Variants in ASXL1 observed in about 807,000 individuals in gnomAD.
The protein encoded by ASXL1 is polycomb group protein ASXL1.
In ASXL1, 65 loss-of-function variants were observed where a neutral mutation model predicts 89.1. The ratio of observed to expected loss-of-function variants is 0.73; its 90% CI spans 0.60 to 0.90. ASXL1 has a LOEUF of 0.90. ASXL1 is among the 40% of genes least tolerant of loss of function. The probability of loss-of-function intolerance (pLI) is 0.00; values close to 1 mark genes in which losing one functional copy is unlikely to be tolerated. For synonymous variants in ASXL1, 739 were observed against 746.9 expected (o/e 0.99, Z 0.17); for missense variants, 1,786 against 1,942.9 (o/e 0.92, Z 1.52).
intron 4 of ASXL1, among the ~76,000 whole-genome samples, chr20:32,422,877 G>A (rs2011180342): frequency 6.6e-6 from 1 of 151,982 alleles, no homozygotes; most frequent in African/African-American, 2.4e-5. Context: ...GAGCCACCGT[G>A]CCCGGCCTAT....
At chr20:32,416,147 T>C (rs574629383) in intron 4 of ASXL1, among the ~76,000 whole-genome samples, 3 of 152,326 alleles carry the variant, frequency 2.0e-5, no homozygotes, top group African/African-American at 7.2e-5. Flanking sequence ...ATGCAATACA[T>C]AGACATTTTT....
At chr20:32,387,769 C>A (rs532280520) in intron 4 of ASXL1, among the ~76,000 whole-genome samples, 67 of 152,278 alleles carry the variant, frequency 4.4e-4, no homozygotes, top group Middle Eastern at 3.4e-3. Context: ...CAAGTTATAT[C>A]CCCATCCTGG....
At position 32,429,941 on chromosome 20, in the gene ASXL1, G is replaced by A. The variant is rs760344634; in HGVS notation, c.606G>A (p.Pro202=). Residue 202 remains proline, a synonymous_variant, in exon 8 of 13, where the codon CCG becomes CCA. Transcript: ENST00000375687. This position sits in a 1 kb window ranked among gnomAD's most constrained non-coding sequence, Gnocchi z 4.9. ...GCHADGESGS[P]SSSSSGSLAL... ...ACGCCGATGGCGAGAGCGGCAGCCCGTCCAGCAGCAGCAGCGGCTCTCTGG... is the reference window on the plus strand; with the variant it reads ...ACGCCGATGGCGAGAGCGGCAGCCCATCCAGCAGCAGCAGCGGCTCTCTGG... 56 of 1,608,324 alleles carry A rather than the reference G, an allele frequency of 3.5e-5. No homozygotes were observed. Among genetic ancestry groups the A allele is most frequent in the Admixed American group, 1.3e-4 (8 of 59,934 alleles).
intron 4 of ASXL1, among the ~76,000 whole-genome samples, chr20:32,406,451 T>C (rs1030148467): frequency 2.4e-4 from 37 of 151,702 alleles, no homozygotes; most frequent in Admixed American, 1.3e-4. Flanking sequence ...CTCAGGAGGC[T>C]GAGGTGGGAG....
rs2048050246 is a variant in ASXL1, at chr20:32,358,549, A to G, written c.-227A>G. On this transcript the variant is annotated 5_prime_UTR_variant, in exon 1 of 13. Coordinates refer to ENST00000375687, the MANE Select transcript of ASXL1 (RefSeq NM_015338.6). Reference sequence around the variant, plus strand: ...CCGCCGCTGCCGCCGTGGGCGACTGACGCAGCGCGGGCGCGTGGAGCCGCC... The same window carrying G: ...CCGCCGCTGCCGCCGTGGGCGACTGGCGCAGCGCGGGCGCGTGGAGCCGCC... 9.4e-6 allele frequency: 2 copies of G among 213,364 alleles called. No homozygotes were observed. The highest frequency in any genetic ancestry group is 3.3e-4 in the South Asian group (2 of 6,138). The allele number at this position is 213,364 out of a possible 1,614,324, so 13.2% of individuals were successfully genotyped here.
At chr20:32,397,836 A>T (rs1296996696) in intron 4 of ASXL1, among the ~76,000 whole-genome samples, 1 of 152,224 alleles carries the variant, frequency 6.6e-6, no homozygotes, top group Non-Finnish European at 1.5e-5. Flanking sequence ...TTGCTCTGGG[A>T]CATAAGTTTA....
chr20:32,360,382 T>C (rs2048089902), intron 1 of ASXL1: 1 of 153,978 alleles, frequency 6.5e-6, no homozygotes, highest in Admixed American at 6.4e-5. Context: ...TTTCAGGATC[T>C]TGTAGAAATT....
chr20:32,435,468 T>TA lies in ASXL1; in HGVS notation c.2757dup (p.Pro920ThrfsTer4), dbSNP rs771822198. 1 of 1,613,972 alleles carries TA rather than the reference T, an allele frequency of 6.2e-7. No individual in the cohort carries two copies. Among genetic ancestry groups the TA allele is most frequent in the Admixed American group, 1.7e-5 (1 of 60,008 alleles). On this transcript the variant is annotated frameshift_variant, in exon 13 of 13. Transcript: ENST00000375687. LOFTEE classifies it low-confidence loss of function (END_TRUNC). ...CCCAAACCAGAATCCAGAGAACACA[T>TA]ACCATCTGTTGAGCCCCAGGTTGGA... is the stretch of plus-strand genomic sequence containing the variant.
intron 4 of ASXL1, among the ~76,000 whole-genome samples, chr20:32,398,564 G>A (rs1271474315): frequency 5.4e-5 from 8 of 149,168 alleles, no homozygotes; most frequent in East Asian, 2.0e-4. Context: ...GAATCATAGC[G>A]TATGTAGCCT....
At chr20:32,360,129 TTCTC>T in intron 1 of ASXL1, 1 of 273,006 alleles carries the variant, frequency 3.7e-6, no homozygotes, top group Non-Finnish European at 7.1e-6. Flanking sequence ...ACCTTTTTCT[TTCTC>T]GAAGTCTGTA....
chr20:32,429,394 T>C lies in ASXL1; in HGVS notation c.528T>C (p.Pro176=). Residue 176 remains proline, a synonymous_variant, in exon 7 of 13, where the codon CCT becomes CCC. Transcript: ENST00000375687. This position sits in a 1 kb window ranked among gnomAD's most constrained non-coding sequence, Gnocchi z 4.9. ...TGCTGCCTCGAGTTGTCCTGACTCC[T>C]CTGAAGGTAAACGGGGCCCACGTGG... ...GVMLPRVVLT[P]LKVNGAHVES... 6.2e-7 allele frequency: 1 copy of C among 1,614,180 alleles called. No individual in the cohort carries two copies. Among genetic ancestry groups the C allele is most frequent in the Non-Finnish European group, 8.5e-7 (1 of 1,180,028 alleles).
chr20:32,375,042 T>C (rs1216729484), intron 4 of ASXL1, among the ~76,000 whole-genome samples: 1 of 152,158 alleles, frequency 6.6e-6, no homozygotes, highest in Non-Finnish European at 1.5e-5. Context: ...GGTCAGCGTT[T>C]TGCCATGTTG....
intron 4 of ASXL1, among the ~76,000 whole-genome samples, chr20:32,405,160 C>T (rs2048934826): frequency 6.6e-6 from 1 of 152,184 alleles, no homozygotes; most frequent in Non-Finnish European, 1.5e-5. Context: ...GTCTGTCACT[C>T]TGTTGTACAG....
chr20:32,418,747 C>G (rs968549117), intron 4 of ASXL1, among the ~76,000 whole-genome samples: 1 of 140,646 alleles, frequency 7.1e-6, no homozygotes, highest in Non-Finnish European at 1.5e-5. Context: ...TGTAAAAGAT[C>G]GTGTTGAGAG....
intron 4 of ASXL1, among the ~76,000 whole-genome samples, chr20:32,378,158 T>TTGTGTGTG (rs142792019): frequency 0.18 from 23,338 of 130,082 alleles, 2,524 homozygotes; most frequent in Middle Eastern, 0.27. Flanking sequence ...GCTGAGTAAT[T>TTGTGTGTG]TGTGTGTGTG....
chr20:32,433,627 G>T lies in ASXL1; in HGVS notation c.1429G>T (p.Glu477Ter), dbSNP rs141346625. 3.1e-6 allele frequency: 5 copies of T among 1,613,374 alleles called. No individual in the cohort carries two copies. The highest frequency in any genetic ancestry group is 1.1e-5 in the South Asian group (1 of 91,072). ...CACATCCTCTGCAGCACCCGACCTG[G>T]AGGGTCCCGAATTCCCAGTTGAGTC... ...PGTSSAAPDL[E>*]GPEFPVESVA... Residue 477 changes from glutamate (E) to a stop codon, truncating the protein, a stop_gained, in exon 12 of 13, where the codon GAG becomes TAG. Transcript: ENST00000375687. LOFTEE classifies it high-confidence loss of function.
intron 4 of ASXL1, among the ~76,000 whole-genome samples, chr20:32,422,788 T>A (rs1396347458): frequency 6.6e-6 from 1 of 151,802 alleles, no homozygotes; most frequent in Admixed American, 6.6e-5. Context: ...GGTTTCACCA[T>A]GTTGGCCAGG....
chr20:32,376,775 A>G (rs1225285744), intron 4 of ASXL1, among the ~76,000 whole-genome samples: 1 of 146,170 alleles, frequency 6.8e-6, no homozygotes, highest in Admixed American at 7.1e-5. Context: ...AATTTTGTAT[A>G]TTATATATTA....
At chr20:32,359,070 C>G (rs1334348386) in intron 1 of ASXL1, 1 of 600,912 alleles carries the variant, frequency 1.7e-6, no homozygotes, top group Non-Finnish European at 2.9e-6. Flanking sequence ...CAGCTAAATT[C>G]CGGCGGAGGG....
Sources: allele counts gnomAD v4.1 joint callset (sites outside exome capture counted in the v4.1 genomes callset), GRCh38; gene constraint gnomAD v4.1.1; non-coding constraint Gnocchi (gnomAD v3.1); transcripts MANE v1.5; gene names NCBI Gene and HGNC (gene_info 2026-07-23, HGNC 2026-07-21).